Variants in C6orf136 observed in about 807,000 individuals in gnomAD.
The protein encoded by C6orf136 is chromosome 6 open reading frame 136, also known as uncharacterized protein C6orf136.
In C6orf136, 29 loss-of-function variants were observed where a neutral mutation model predicts 44.0. That is an observed-to-expected ratio of 0.66 (90% CI 0.49 to 0.90). The LOEUF (loss-of-function observed/expected upper bound fraction) is 0.90. C6orf136 is among the 40% of genes least tolerant of loss of function. C6orf136 has a pLI of 0.00. For missense variants in C6orf136, 628 were observed against 669.3 expected (o/e 0.94, Z 0.68); for synonymous variants, 293 against 278.6 (o/e 1.05, Z -0.52).
Position 30,647,203 on chromosome 6 carries a change from G to C in C6orf136, c.-29G>C. The C allele has an allele frequency of 6.5e-7, 1 of 1,549,712 alleles. No homozygotes were observed. The highest frequency in any genetic ancestry group is 2.5e-5 in the East Asian group (1 of 40,816). On this transcript the variant is annotated 5_prime_UTR_variant, in exon 1 of 6. Transcript: ENST00000651131. This position sits in a 1 kb window ranked among gnomAD's most constrained non-coding sequence, Gnocchi z 4.8. ...GTGAGGAGGCCGGAGGTCGGACTCA[G>C]GAGGCTCCTTCTCCACTCCCGGAAG...
At chr6:30,652,497 C>G in intron 4 of C6orf136, 151 bp from the exon 5 acceptor site, 1 of 729,562 alleles carries the variant, frequency 1.4e-6, no homozygotes, top group Non-Finnish European at 2.5e-6. Flanking sequence ...TTAATTGAGA[C>G]AGGGCACAAC....
Position 30,647,317 on chromosome 6 carries a change from A to G in C6orf136, c.86A>G (p.Glu29Gly). The change falls in exon 1 of 6, where the codon GAA becomes GGA. Residue 29 changes from glutamate (E) to glycine (G), a missense_variant. Transcript: ENST00000651131. The surrounding 1 kb of genome is among the most constrained non-coding windows in gnomAD (Gnocchi z 4.8). ...GCTCGACCCCAGGTGAGCGGAGGAG[A>G]AGAGGGAGGGAGGAGAGGGGGCGGG... ...YQARPQVSGG[E>G]EGGRRGGGER... The G allele has an allele frequency of 1.9e-6, 3 of 1,590,778 alleles. No individual in the cohort carries two copies. The highest frequency in any genetic ancestry group is 1.8e-5 in the Admixed American group (1 of 56,174).
intron 1 of C6orf136, among the ~76,000 whole-genome samples, chr6:30,648,455 T>C (rs571567205): frequency 8.6e-5 from 13 of 150,408 alleles, no homozygotes; most frequent in African/African-American, 3.2e-4. Context: ...CTGAAGTGCA[T>C]TGGCACCATC....
chr6:30,651,769 T>C, intron 4 of C6orf136, among the ~76,000 whole-genome samples: 1 of 152,040 alleles, frequency 6.6e-6, no homozygotes, highest in African/African-American at 2.4e-5. Flanking sequence ...CTTCCCAAAG[T>C]GCTGAGATTA....
Position 30,647,925 on chromosome 6 carries a change from G to A in C6orf136, c.615+79G>A. The A allele has an allele frequency of 2.1e-6, 3 of 1,421,364 alleles. No homozygotes were observed. The highest frequency in any genetic ancestry group is 2.7e-6 in the Non-Finnish European group (3 of 1,092,208). The allele number at this position is 1,421,364 out of a possible 1,614,324, so 88.0% of individuals were successfully genotyped here. A position where few individuals can be genotyped will look rare whatever the true frequency, so the allele number is the denominator to read the frequency against. Reference sequence around the variant, plus strand: ...TCCTTGGGAGCGGAGGGACTCGGGTGAGGCCTAACTTTGGGTGACCTCCCC... The same window carrying A: ...TCCTTGGGAGCGGAGGGACTCGGGTAAGGCCTAACTTTGGGTGACCTCCCC... On this transcript the variant is annotated intron_variant, in intron 1 of 5. Coordinates refer to ENST00000651131, the MANE Select transcript of C6orf136 (RefSeq NM_001161376.2). The surrounding 1 kb of genome is among the most constrained non-coding windows in gnomAD (Gnocchi z 4.8).
Position 30,649,678 on chromosome 6 carries a change from C to T in C6orf136, c.736C>T (p.Leu246Phe), listed in dbSNP as rs770501450. 4.2e-5 allele frequency: 67 copies of T among 1,609,774 alleles called. No homozygotes were observed. The South Asian group carries it at 6.7e-4, about 16-fold the overall frequency. The change falls in exon 2 of 6, where the codon CTT becomes TTT. Residue 246 changes from leucine (L) to phenylalanine (F), a missense_variant. Around this residue, in one of 2 missense-constraint regions of C6orf136, gnomAD observed 497 missense variants for 469.2 expected, o/e 1.06. Transcript: ENST00000651131. ...GCCCCCACGCCTTCCCACCCAGCGT[C>T]TTCCCCAGGTTCCCCCACTACCTCT... is the stretch of plus-strand genomic sequence containing the variant. ...PLPPRLPTQR[L>F]PQVPPLPLPQ...
In C6orf136 at chr6:30,647,276, C is replaced by G. The variant is rs1766909904; in HGVS notation, c.45C>G (p.Cys15Trp). 6.2e-7 allele frequency: 1 copy of G among 1,600,342 alleles called. No individual in the cohort carries two copies. Among genetic ancestry groups the G allele is most frequent in the South Asian group, 1.1e-5 (1 of 90,416 alleles). The change falls in exon 1 of 6, where the codon TGC (cysteine) becomes TGG (tryptophan). Residue 15 changes from cysteine to tryptophan, a missense_variant. By Grantham distance (215) the Cys-to-Trp change is radical (BLOSUM62 -2). Coordinates refer to ENST00000651131, the MANE Select transcript of C6orf136 (RefSeq NM_001161376.2). This position sits in a 1 kb window ranked among gnomAD's most constrained non-coding sequence, Gnocchi z 4.8. ...GTGCGGCCCGGCGTCTCGGCCCTTG[C>G]CTGCGCGCCTACCAGGCTCGACCCC... The part of the protein sequence containing the change: ...SRGAARRLGP[C>W]LRAYQARPQV...
intron 2 of C6orf136, 83 bp from the exon 3 acceptor site, chr6:30,650,911 C>CAA (rs367794901): frequency 2.7e-3 from 2,475 of 918,298 alleles, no homozygotes; most frequent in Non-Finnish European, 3.4e-3. Context: ...GACTCCGTCT[C>CAA]AAAAAAAAAA....
At position 30,649,808 on chromosome 6, in the gene C6orf136, G is replaced by A; in HGVS notation, c.866G>A (p.Arg289Lys). 2 of 1,614,132 alleles carry A rather than the reference G, an allele frequency of 1.2e-6. No homozygotes were observed. The highest frequency in any genetic ancestry group is 1.1e-5 in the South Asian group (1 of 91,082). The change falls in exon 2 of 6, where the codon AGA becomes AAA. Residue 289 changes from arginine (R) to lysine (K), a missense_variant. Coordinates refer to ENST00000651131, the MANE Select transcript of C6orf136 (RefSeq NM_001161376.2). ...ELHSGCLDGL[R>K]SLFEGPPCPY... ...CATAGCGGCTGCCTGGATGGGCTTA[G>A]AAGCCTTTTTGAGGGACCTCCCTGC...
At chr6:30,651,776 A>G (rs964303145) in intron 4 of C6orf136, among the ~76,000 whole-genome samples, 2 of 152,076 alleles carry the variant, frequency 1.3e-5, no homozygotes, top group African/African-American at 4.8e-5. Flanking sequence ...AAGTGCTGAG[A>G]TTACAGATGA....
At chr6:30,650,022 A>G in intron 2 of C6orf136, 63 bp downstream of exon 2, 1 of 1,414,368 alleles carries the variant, frequency 7.1e-7, no homozygotes, top group Non-Finnish European at 9.7e-7. Context: ...CCTTGGACGT[A>G]CAGGGATAGT....
chr6:30,649,936 A>C lies in C6orf136; in HGVS notation c.994A>C (p.Met332Leu). ...DPSMEEHLSV[M>L]YERLRQELPK... ...TAGTATGGAGGAACATCTGTCTGTC[A>C]TGTATGAGAGACTGAGACAAGAGGT... Residue 332 changes from methionine (M) to leucine (L), a missense_variant, in exon 2 of 6, where the codon ATG (methionine) becomes CTG (leucine). Physicochemically the swap from Met to Leu is conservative, Grantham distance 15. Coordinates refer to ENST00000651131, the MANE Select transcript of C6orf136 (RefSeq NM_001161376.2). 1 of 1,613,638 alleles carries C rather than the reference A, an allele frequency of 6.2e-7. No homozygotes were observed. Among genetic ancestry groups the C allele is most frequent in the South Asian group, 1.1e-5 (1 of 91,066 alleles).
chr6:30,649,724 G>A lies in C6orf136; in HGVS notation c.782G>A (p.Ser261Asn). ...CCTCTCCCTCAGATCCAGGCCCTCA[G>A]CTCAGCATGGGTGGTTCTCCCTCCA... ...PLPLPQIQAL[S>N]SAWVVLPPGK... The change falls in exon 2 of 6, where the codon AGC (serine) becomes AAC (asparagine). Residue 261 changes from serine (S) to asparagine (N), a missense_variant. Ser to Asn is a conservative substitution (Grantham distance 46). Coordinates refer to ENST00000651131, the MANE Select transcript of C6orf136 (RefSeq NM_001161376.2). 1 of 1,613,422 alleles carries A rather than the reference G, an allele frequency of 6.2e-7. No homozygotes were observed. Among genetic ancestry groups the A allele is most frequent in the African/African-American group, 1.3e-5 (1 of 74,930 alleles).
rs1483520460 is a variant in C6orf136 at position 30,649,727 on chromosome 6, C to T, written c.785C>T (p.Ser262Leu). The change falls in exon 2 of 6, where the codon TCA becomes TTA. Residue 262 changes from serine (S) to leucine (L), a missense_variant. Transcript: ENST00000651131. ...CTCCCTCAGATCCAGGCCCTCAGCTCAGCATGGGTGGTTCTCCCTCCAGGA... is the reference window on the plus strand; with the variant it reads ...CTCCCTCAGATCCAGGCCCTCAGCTTAGCATGGGTGGTTCTCCCTCCAGGA... ...LPLPQIQALS[S>L]AWVVLPPGKG... 6.2e-7 allele frequency: 1 copy of T among 1,613,776 alleles called. No homozygotes were observed. The highest frequency in any genetic ancestry group is 2.2e-5 in the East Asian group (1 of 44,858).
intron 4 of C6orf136, among the ~76,000 whole-genome samples, chr6:30,652,398 T>C (rs1767517215): frequency 6.6e-6 from 1 of 152,200 alleles, no homozygotes. Flanking sequence ...AAACATTGGA[T>C]ATAAGTTTTT....
chr6:30,650,030 A>G, intron 2 of C6orf136, 71 bp downstream of exon 2: 2 of 1,340,204 alleles, frequency 1.5e-6, no homozygotes, highest in East Asian at 2.3e-5. Flanking sequence ...GTACAGGGAT[A>G]GTCAACTGGA....
intron 4 of C6orf136, 23 bp downstream of exon 4, chr6:30,651,489 CCCAA>C: frequency 1.3e-6 from 2 of 1,592,838 alleles, no homozygotes; most frequent in Non-Finnish European, 1.7e-6. Flanking sequence ...TGAGAAAGGA[CCCAA>C]ACTATAATCA....
Position 30,647,885 on chromosome 6 carries a change from G to C in C6orf136, c.615+39G>C. 1 of 1,449,866 alleles carries C rather than the reference G, an allele frequency of 6.9e-7. No homozygotes were observed. Among genetic ancestry groups the C allele is most frequent in the Non-Finnish European group, 9.1e-7 (1 of 1,103,268 alleles). The allele number at this position is 1,449,866 out of a possible 1,614,324, so 89.8% of individuals were successfully genotyped here. On this transcript the variant is annotated intron_variant, in intron 1 of 5. Coordinates refer to ENST00000651131, the MANE Select transcript of C6orf136 (RefSeq NM_001161376.2). This position sits in a 1 kb window ranked among gnomAD's most constrained non-coding sequence, Gnocchi z 4.8. ...CCGCCCGCCTTCCCTGCAGTGAGACGATCCCCTGGGGGGTTCCTTGGGAGC... is the reference window on the plus strand; with the variant it reads ...CCGCCCGCCTTCCCTGCAGTGAGACCATCCCCTGGGGGGTTCCTTGGGAGC...
In C6orf136 at chr6:30,649,848, T is replaced by G; in HGVS notation, c.906T>G (p.Ala302=). The G allele has an allele frequency of 6.2e-7, 1 of 1,614,032 alleles. No homozygotes were observed. Among genetic ancestry groups the G allele is most frequent in the East Asian group, 2.2e-5 (1 of 44,872 alleles). The change falls in exon 2 of 6, where the codon GCT becomes GCG. Residue 302 remains alanine, a synonymous_variant. Coordinates refer to ENST00000651131, the MANE Select transcript of C6orf136 (RefSeq NM_001161376.2). The stretch of plus-strand genomic sequence containing the variant: ...GACCTCCCTGCCCCTATCCTGGGGC[T>G]TGGATACCTTTCCAAGTCCCTGGAA... ...FEGPPCPYPG[A]WIPFQVPGTA...
Sources: gnomAD v4.1 joint callset for allele counts (sites outside exome capture counted in the v4.1 genomes callset) on GRCh38, gnomAD v4.1.1 for gene constraint, gnomAD v4.1.1 regional missense constraint, Gnocchi (gnomAD v3.1) non-coding constraint, MANE v1.5 for transcripts, NCBI Gene and HGNC (gene_info 2026-07-23, HGNC 2026-07-21) for gene names.